Variants in SLC4A4 observed in about 807,000 individuals in gnomAD.
SLC4A4 encodes the protein electrogenic sodium bicarbonate cotransporter 1.
SLC4A4 carries 27 observed loss-of-function variants against 111.5 expected under a neutral mutation model. The ratio of observed to expected loss-of-function variants is 0.24; its 90% CI spans 0.18 to 0.33. The LOEUF (loss-of-function observed/expected upper bound fraction) is 0.33. Among genes scored for constraint, SLC4A4 ranks in the 10% least tolerant of loss-of-function variants. The pLI, the probability that SLC4A4 is intolerant of heterozygous loss-of-function variation, is 1.00. For missense variants in SLC4A4, 909 were observed against 1,315.5 expected, an observed-to-expected ratio of 0.69 and a Z score of 4.78; for synonymous variants, 443 against 463.4, an observed-to-expected ratio of 0.96 and a Z score of 0.57.
intron 4 of SLC4A4, among the ~76,000 whole-genome samples, chr4:71,343,926 A>C (rs570885610): frequency 3.2e-4 from 49 of 151,374 alleles, no homozygotes; most frequent in Non-Finnish European, 6.2e-4. Context: ...CTGAACCCCC[A>C]CAGTTATCTG....
At chr4:71,557,976 T>G in intron 22 of SLC4A4, 91 bp downstream of exon 22, 1 of 1,179,088 alleles carries the variant, frequency 8.5e-7, no homozygotes, top group Non-Finnish European at 1.2e-6. Flanking sequence ...CTTTTATGTG[T>G]TGTTCCAAAT....
At chr4:71,471,094 TTC>T (rs1727825330) in intron 13 of SLC4A4, among the ~76,000 whole-genome samples, 1 of 152,020 alleles carries the variant, frequency 6.6e-6, no homozygotes, top group African/African-American at 2.4e-5. Flanking sequence ...AATTCTAATA[TTC>T]TATAATTTTG....
intron 3 of SLC4A4, among the ~76,000 whole-genome samples, chr4:71,307,779 A>G (rs1452016681): frequency 6.6e-6 from 1 of 152,246 alleles, no homozygotes; most frequent in Non-Finnish European, 1.5e-5. Context: ...ACCGTGAATT[A>G]TAGCAAACAA....
intron 1 of SLC4A4, among the ~76,000 whole-genome samples, chr4:71,078,171 G>A (rs1205711917): frequency 3.3e-5 from 5 of 152,040 alleles, no homozygotes; most frequent in African/African-American, 1.2e-4. Flanking sequence ...CACATTGTGG[G>A]CCCTCAAAAT....
At chr4:71,206,389 C>A (rs563950560) in intron 1 of SLC4A4, among the ~76,000 whole-genome samples, 1 of 152,096 alleles carries the variant, frequency 6.6e-6, no homozygotes, top group African/African-American at 2.4e-5. Context: ...TTTTAGGTTA[C>A]AATTCACAGT....
At chr4:71,409,350 C>G (rs1322483075) in intron 7 of SLC4A4, among the ~76,000 whole-genome samples, 1 of 152,156 alleles carries the variant, frequency 6.6e-6, no homozygotes, top group Non-Finnish European at 1.5e-5. Flanking sequence ...AATGCTGATA[C>G]TGATATGAAC....
chr4:71,247,546 C>T (rs184222108), intron 2 of SLC4A4, among the ~76,000 whole-genome samples: 2 of 152,046 alleles, frequency 1.3e-5, no homozygotes, highest in East Asian at 3.9e-4. Context: ...AGAGTGTGAA[C>T]GTGTGCATTT....
chr4:71,291,176 A>C (rs974534678), intron 3 of SLC4A4, among the ~76,000 whole-genome samples: 11 of 152,220 alleles, frequency 7.2e-5, no homozygotes, highest in Non-Finnish European at 1.3e-4. Flanking sequence ...GGCAAGAGAC[A>C]CTTTCTCATG....
chr4:71,411,281 G>A (rs1721338171), intron 7 of SLC4A4, among the ~76,000 whole-genome samples: 1 of 152,112 alleles, frequency 6.6e-6, no homozygotes, highest in African/African-American at 2.4e-5. Flanking sequence ...TCACTGAAAT[G>A]TGCTTCCTTG....
In SLC4A4 at chr4:71,260,021, C is replaced by G. The variant is rs116599287; in HGVS notation, c.253+4622C>G. 2.7e-3 allele frequency among the ~76,000 whole-genome samples: 404 copies of G among 152,306 alleles called. 1 individual carries two copies. The highest frequency in any genetic ancestry group is 8.9e-3 in the African/African-American group (372 of 41,570). The stretch of plus-strand genomic sequence containing the variant: ...AATCATAGCGCTAGGTATGTCCATA[C>G]AGACACTCATTCAGTCTTGTGGTAT... On this transcript the variant is annotated intron_variant, in intron 3 of 25. Transcript: ENST00000264485.
chr4:71,153,013 A>G (rs1461561162), intron 2 of SLC4A4, among the ~76,000 whole-genome samples: 25 of 139,706 alleles, frequency 1.8e-4, no homozygotes, highest in Admixed American at 9.6e-4. Flanking sequence ...ATATGTGTAT[A>G]TATATAAATA....
chr4:71,305,098 A>G (rs980090473), intron 3 of SLC4A4, among the ~76,000 whole-genome samples: 1 of 152,172 alleles, frequency 6.6e-6, no homozygotes, highest in Admixed American at 6.5e-5. Context: ...AACCCTTATC[A>G]TTTCTGTGAG....
intron 14 of SLC4A4, 101 bp from the exon 15 acceptor site, chr4:71,486,847 T>C (rs975671256): frequency 1.5e-6 from 1 of 677,562 alleles, no homozygotes; most frequent in African/African-American, 1.8e-5. Context: ...ATTAAAGACA[T>C]TTTTACTGTA....
intron 20 of SLC4A4, among the ~76,000 whole-genome samples, chr4:71,549,690 T>C (rs888367646): frequency 1.3e-5 from 2 of 151,896 alleles, no homozygotes; most frequent in African/African-American, 2.4e-5. Flanking sequence ...CTAGAGAATC[T>C]GACAGTTGAG....
At chr4:71,345,205 T>C in intron 4 of SLC4A4, among the ~76,000 whole-genome samples, 1 of 152,160 alleles carries the variant, frequency 6.6e-6, no homozygotes, top group South Asian at 2.1e-4. Context: ...ATTAAGAATG[T>C]CTAGGTGACT....
intron 19 of SLC4A4, among the ~76,000 whole-genome samples, chr4:71,546,834 G>C (rs1183579073): frequency 1.3e-5 from 2 of 151,952 alleles, no homozygotes; most frequent in Non-Finnish European, 1.5e-5. Flanking sequence ...CTGTATCACA[G>C]TCATATGTGA....
In SLC4A4 at chr4:71,286,367, C is replaced by T. The variant is rs77032801; in HGVS notation, c.253+30968C>T. On this transcript the variant is annotated intron_variant, in intron 3 of 25. Transcript: ENST00000264485. ...AGTTGGAAGTCAACAGAAGACCAAA[C>T]GCTTAAAAGCACTGGATGTAAAGGA... 7.4e-3 allele frequency among the ~76,000 whole-genome samples: 1,132 copies of T among 152,284 alleles called. 18 individuals are homozygous for T. The highest frequency in any genetic ancestry group is 0.026 in the African/African-American group (1,083 of 41,550).
In SLC4A4 at chr4:71,121,920, C is replaced by T. The variant is rs1239863006; in HGVS notation, c.-2+29128C>T. ...TCCTGAGGCCAGCAAGACCAGGAAC[C>T]CACTGGGAGGAATGAACAACTCCGG... On this transcript the variant is annotated intron_variant, in intron 2 of 26. Coordinates refer to the SLC4A4 transcript ENST00000649996. 7.9e-5 allele frequency among the ~76,000 whole-genome samples: 12 copies of T among 152,234 alleles called. No individual in the cohort carries two copies. The South Asian group carries it at 2.5e-3, about 32-fold the overall frequency.
chr4:71,083,166 T>G (rs1228642722), intron 1 of SLC4A4, among the ~76,000 whole-genome samples: 2 of 152,066 alleles, frequency 1.3e-5, no homozygotes, highest in Admixed American at 1.3e-4. Flanking sequence ...ATAAATGTTT[T>G]AATACATTTT....
Sources: allele counts gnomAD v4.1 joint callset (sites outside exome capture counted in the v4.1 genomes callset), GRCh38; gene constraint gnomAD v4.1.1; transcripts MANE v1.5; gene names NCBI Gene and HGNC (gene_info 2026-07-23, HGNC 2026-07-21).